The following ADAMTS14 variants were observed in gnomAD, a reference collection of about 807,000 sequenced individuals.
ADAMTS14 encodes the protein ADAM metallopeptidase with thrombospondin type 1 motif 14.
A neutral mutation model predicts 128.6 loss-of-function variants in ADAMTS14; 100 were observed. That is an observed-to-expected ratio of 0.78 (90% confidence interval 0.66 to 0.92). The LOEUF (loss-of-function observed/expected upper bound fraction) is 0.92. ADAMTS14 is among the 40% of genes least tolerant of loss of function. The pLI is 0.00. For synonymous variants in ADAMTS14, 665 were observed against 653.8 expected (o/e 1.02, Z -0.26); for missense variants, 1,562 against 1,658.6 (o/e 0.94, Z 1.01).
chr10:70,759,984 A>G (rs1267489909), intron 21 of ADAMTS14, among the ~76,000 whole-genome samples: 1 of 152,212 alleles, frequency 6.6e-6, no homozygotes, highest in African/African-American at 2.4e-5. Context: ...AGATGCGCCC[A>G]CACGTGGAGT....
At chr10:70,751,989 G>A in intron 17 of ADAMTS14, 106 bp from the exon 18 acceptor site, 1 of 1,480,300 alleles carries the variant, frequency 6.8e-7, no homozygotes, top group South Asian at 1.4e-5. Context: ...GCAGAGGGAG[G>A]TGGGATTGGC....
chr10:70,733,908 A>C lies in ADAMTS14; in HGVS notation c.1232A>C (p.Gln411Pro), dbSNP rs1416377681. The C allele has an allele frequency of 6.2e-6, 10 of 1,613,634 alleles. No individual in the cohort carries two copies. Among genetic ancestry groups the C allele is most frequent in the Non-Finnish European group, 8.5e-6 (10 of 1,179,794 alleles). The change falls in exon 8 of 22, where the codon CAG becomes CCG. Residue 411 changes from glutamine (Q) to proline (P), a missense_variant. Physicochemically the swap from Gln to Pro is moderately conservative, Grantham distance 76 (BLOSUM62 -1). Coordinates refer to ENST00000373207, the MANE Select transcript of ADAMTS14 (RefSeq NM_080722.4). Reference sequence around the variant, plus strand: ...AGGCTCGGCATGGAGCATGACGGTCAGGGGAATGGCTGTGCAGATGAGACC... The same window carrying C: ...AGGCTCGGCATGGAGCATGACGGTCCGGGGAATGGCTGTGCAGATGAGACC... ...GHVLGMEHDG[Q>P]GNGCADETSL...
At chr10:70,693,794 C>G (rs1057258047) in intron 2 of ADAMTS14, among the ~76,000 whole-genome samples, 1 of 152,208 alleles carries the variant, frequency 6.6e-6, no homozygotes, top group Non-Finnish European at 1.5e-5. Flanking sequence ...AGGTCATGAC[C>G]TTGGGAACTG....
At chr10:70,718,559 T>C (rs1368823841) in intron 4 of ADAMTS14, among the ~76,000 whole-genome samples, 1 of 152,002 alleles carries the variant, frequency 6.6e-6, no homozygotes, top group African/African-American at 2.4e-5. Context: ...GTAATTTTTG[T>C]ATTTTTAGTA....
intron 6 of ADAMTS14, among the ~76,000 whole-genome samples, chr10:70,731,844 G>A (rs1171658796): frequency 6.6e-6 from 1 of 152,160 alleles, no homozygotes; most frequent in South Asian, 2.1e-4. Flanking sequence ...GCAGGGTCGG[G>A]GTAGGCTCGG....
rs10999510 is a variant in ADAMTS14 at position 70,750,948 on chromosome 10, C to T, written c.2428-530C>T. 4.9e-3 allele frequency among the ~76,000 whole-genome samples: 741 copies of T among 152,246 alleles called. 8 individuals are homozygous for T. Among genetic ancestry groups the T allele is most frequent in the African/African-American group, 0.017 (692 of 41,522 alleles). ...TATGACCTTAGATTCTTAGATACGA[C>T]AGGCACTAAAAGCATACACAGCAAA... is the stretch of plus-strand genomic sequence containing the variant. On this transcript the variant is annotated intron_variant, in intron 16 of 21. Coordinates refer to ENST00000373207, the MANE Select transcript of ADAMTS14 (RefSeq NM_080722.4).
chr10:70,742,495 C>T (rs931187276), intron 12 of ADAMTS14, among the ~76,000 whole-genome samples: 2 of 152,262 alleles, frequency 1.3e-5, no homozygotes, highest in African/African-American at 4.8e-5. Flanking sequence ...TGGCTCCAGA[C>T]TTGAGTCCTT....
intron 4 of ADAMTS14, among the ~76,000 whole-genome samples, chr10:70,725,210 G>C (rs1464480979): frequency 6.6e-6 from 1 of 152,124 alleles, no homozygotes; most frequent in East Asian, 1.9e-4. Flanking sequence ...TCCCCAGAAA[G>C]GGAGCAGACA....
intron 2 of ADAMTS14, among the ~76,000 whole-genome samples, chr10:70,698,485 G>T (rs1840399456): frequency 6.6e-6 from 1 of 152,186 alleles, no homozygotes; most frequent in African/African-American, 2.4e-5. Flanking sequence ...AGGTCTGAGG[G>T]GGAAGGAACT....
chr10:70,760,195 C>T (rs372038934), intron 21 of ADAMTS14, among the ~76,000 whole-genome samples, 165 bp from the exon 22 acceptor site: 154 of 152,258 alleles, frequency 1.0e-3, no homozygotes, highest in African/African-American at 2.8e-3. Context: ...CTGACTCTCC[C>T]GTCAGGTGGC....
chr10:70,702,179 C>T (rs1050289861), intron 2 of ADAMTS14, 133 bp from the exon 3 acceptor site: 1 of 1,333,436 alleles, frequency 7.5e-7, no homozygotes, highest in Non-Finnish European at 1.0e-6. Flanking sequence ...CAGGGCTCCT[C>T]AAGGTCCTGG....
chr10:70,753,953 G>GCCCTGTCT lies in ADAMTS14; in HGVS notation c.2886_2893dup (p.Arg965ProfsTer69). 1.1e-5 allele frequency: 17 copies of GCCCTGTCT among 1,584,776 alleles called. No homozygotes were observed. The highest frequency in any genetic ancestry group is 1.5e-5 in the Non-Finnish European group (17 of 1,166,538). The stretch of plus-strand genomic sequence containing the variant: ...CCGGGGACCGGCCTGAGGCCCGACG[G>GCCCTGTCT]CCCTGTCTCCGAGTGCCCTGCCCAG... On this transcript the variant is annotated frameshift_variant, in exon 19 of 22. Transcript: ENST00000373207.
chr10:70,724,816 TA>T (rs1273161265), intron 4 of ADAMTS14, among the ~76,000 whole-genome samples: 3 of 152,004 alleles, frequency 2.0e-5, no homozygotes, highest in Non-Finnish European at 4.4e-5. Context: ...GGGAATAAAA[TA>T]AAAGCAGTTT....
chr10:70,718,237 G>C (rs955534893), intron 4 of ADAMTS14, among the ~76,000 whole-genome samples: 3 of 152,106 alleles, frequency 2.0e-5, no homozygotes, highest in Non-Finnish European at 4.4e-5. Context: ...ACACGAAGCA[G>C]ACAATCCTCT....
At chr10:70,748,707 G>A (rs1375099817) in intron 15 of ADAMTS14, among the ~76,000 whole-genome samples, 1 of 144,170 alleles carries the variant, frequency 6.9e-6, no homozygotes, top group East Asian at 2.0e-4. Context: ...GAAGCAGTTG[G>A]CAGAGTGACT....
intron 10 of ADAMTS14, 56 bp downstream of exon 10, chr10:70,736,849 C>T: frequency 6.6e-7 from 1 of 1,508,264 alleles, no homozygotes; most frequent in Non-Finnish European, 9.2e-7. Flanking sequence ...GCATCCATCA[C>T]TGGCATGGGG....
intron 4 of ADAMTS14, among the ~76,000 whole-genome samples, chr10:70,720,975 A>G (rs1841238389): frequency 7.1e-6 from 1 of 140,300 alleles, no homozygotes; most frequent in South Asian, 2.3e-4. Context: ...ATCACTTAGC[A>G]TTTTTACTGT....
At chr10:70,691,509 A>C (rs1186457880) in intron 2 of ADAMTS14, among the ~76,000 whole-genome samples, 2 of 109,784 alleles carry the variant, frequency 1.8e-5, no homozygotes, top group African/African-American at 5.5e-5. Flanking sequence ...AAAAAAAAAA[A>C]CAAAGAAAAA....
chr10:70,758,421 C>T (rs897508342), intron 21 of ADAMTS14, 136 bp downstream of exon 21: 5 of 713,574 alleles, frequency 7.0e-6, no homozygotes, highest in Middle Eastern at 2.6e-4. Context: ...CCTCAGATAC[C>T]TCAGTTATGA....
Sources: gnomAD v4.1 joint callset for allele counts (sites outside exome capture counted in the v4.1 genomes callset) on GRCh38, gnomAD v4.1.1 for gene constraint, MANE v1.5 for transcripts, NCBI Gene and HGNC (gene_info 2026-07-23, HGNC 2026-07-21) for gene names.